The following PBRM1 variants were observed in gnomAD, a reference collection of about 807,000 sequenced individuals.
The protein encoded by PBRM1 is protein polybromo-1.
In PBRM1, 27 loss-of-function variants were observed where a neutral mutation model predicts 194.5. The observed-to-expected ratio is 0.14, with a 90% CI of 0.10 to 0.19. The LOEUF (loss-of-function observed/expected upper bound fraction) is 0.19, where lower values mean the gene tolerates loss of function less well. PBRM1 is among the 10% of genes least tolerant of loss of function. The pLI is 1.00. For missense variants in PBRM1, 1,466 were observed against 2,077.2 expected (o/e 0.71, Z 5.72); for synonymous variants, 655 against 693.2 (o/e 0.94, Z 0.87).
chr3:52,660,207 T>C (rs2096691072), intron 4 of PBRM1, among the ~76,000 whole-genome samples: 1 of 152,190 alleles, frequency 6.6e-6, no homozygotes, highest in Non-Finnish European at 1.5e-5. Flanking sequence ...TACAGGCATT[T>C]TAATCTTTTG....
intron 10 of PBRM1, among the ~76,000 whole-genome samples, chr3:52,636,756 CCAAAAAAAAAAAAA>C: frequency 3.9e-5 from 1 of 25,626 alleles, no homozygotes; most frequent in South Asian, 9.2e-4. Flanking sequence ...AACTCTGTCT[CCAAAAAAAAAAAAA>C]AAAAAAAAAA....
chr3:52,562,084 G>A (rs1178230557), intron 24 of PBRM1, 116 bp from the exon 27 acceptor site: 5 of 730,042 alleles, frequency 6.8e-6, no homozygotes, highest in Admixed American at 6.0e-5. Flanking sequence ...CACTTTGGGG[G>A]GCCGAGACAG....
chr3:52,604,799 G>A (rs2094233890), intron 16 of PBRM1, among the ~76,000 whole-genome samples: 1 of 151,958 alleles, frequency 6.6e-6, no homozygotes, highest in Non-Finnish European at 1.5e-5. Context: ...CCCAGTCTCT[G>A]CTGAAAATAC....
downstream of PBRM1, chr3:52,546,157 A>G (rs78691006): frequency 0.032 from 7,358 of 232,372 alleles, 170 homozygotes; most frequent in South Asian, 0.077. Context: ...TCCCCAAAGA[A>G]GTCTCATCCA....
exon 12 of PBRM1, chr3:52,628,898 A>G (rs1348721028): frequency 1.2e-6 from 2 of 1,613,782 alleles, no homozygotes; most frequent in East Asian, 4.5e-5. Flanking sequence ...TCACACCTGC[A>G]TAACTTGCTG....
At chr3:52,564,684 T>G in intron 22 of PBRM1, among the ~76,000 whole-genome samples, 1 of 151,994 alleles carries the variant, frequency 6.6e-6, no homozygotes, top group East Asian at 1.9e-4. Context: ...ACAATATGTA[T>G]TGGCATAAGG....
intron 27 of PBRM1, among the ~76,000 whole-genome samples, chr3:52,553,963 A>G (rs2081647842): frequency 6.6e-6 from 1 of 151,614 alleles, no homozygotes; most frequent in East Asian, 1.9e-4. Flanking sequence ...TGCCCGGCCT[A>G]ACACCTGGCT....
intron 6 of PBRM1, among the ~76,000 whole-genome samples, chr3:52,650,335 G>A (rs2096453875): frequency 7.5e-6 from 1 of 133,922 alleles, no homozygotes; most frequent in Non-Finnish European, 1.5e-5. Flanking sequence ...CTGCACTCCA[G>A]CCTGGGTGAC....
Position 52,599,537 on chromosome 3 carries a change from C to A in PBRM1, c.2779+3984G>T, listed in dbSNP as rs147759059. Among the ~76,000 whole-genome samples the A allele has an allele frequency of 2.2e-3, 335 of 151,348 alleles. 4 individuals carry two copies. Among genetic ancestry groups the A allele is most frequent in the Middle Eastern group, 0.017 (5 of 294 alleles). Reference sequence around the variant, plus strand: ...AAAAAAATTTTTACTGTTGGCCAGGCGTGGTGGCTCATGCCTGTAATCCCA... The same window carrying A: ...AAAAAAATTTTTACTGTTGGCCAGGAGTGGTGGCTCATGCCTGTAATCCCA... On this transcript the variant is annotated intron_variant, in intron 17 of 29. Coordinates refer to ENST00000296302, the Ensembl canonical transcript of PBRM1.
At chr3:52,584,653 A>G (rs760291258) in intron 20 of PBRM1, among the ~76,000 whole-genome samples, 1 of 151,752 alleles carries the variant, frequency 6.6e-6, no homozygotes, top group Admixed American at 6.6e-5. Flanking sequence ...ATGGGGTTTC[A>G]CCATGATTCC....
At chr3:52,591,817 CTTT>C (rs34822595) in intron 17 of PBRM1, among the ~76,000 whole-genome samples, 1 of 94,940 alleles carries the variant, frequency 1.1e-5, no homozygotes, top group Admixed American at 1.2e-4. Context: ...TGCGCCCGGC[CTTT>C]TTTTTTTTTT....
intron 22 of PBRM1, among the ~76,000 whole-genome samples, chr3:52,570,730 G>A (rs1175692297): frequency 6.6e-6 from 1 of 152,138 alleles, no homozygotes; most frequent in East Asian, 1.9e-4. Flanking sequence ...TCAATTTGGG[G>A]GGAACTGGCA....
intron 5 of PBRM1, 111 bp downstream of exon 6, chr3:52,658,088 C>A (rs1436569539): frequency 1.4e-5 from 9 of 633,166 alleles, no homozygotes; most frequent in South Asian, 1.4e-4. Flanking sequence ...CCACCACACC[C>A]GGCCCAACAT....
intron 4 of PBRM1, among the ~76,000 whole-genome samples, chr3:52,661,537 G>A (rs781262887): frequency 8.5e-5 from 13 of 152,196 alleles, no homozygotes; most frequent in Middle Eastern, 3.4e-3. Context: ...GGTGGGGTAG[G>A]GGCTGAAAAG....
chr3:52,630,068 T>C (rs1363250026), intron 11 of PBRM1, among the ~76,000 whole-genome samples: 2 of 152,176 alleles, frequency 1.3e-5, no homozygotes, highest in African/African-American at 2.4e-5. Context: ...AGCCTCAGAC[T>C]TGTTCCCGTC....
intron 21 of PBRM1, 101 bp downstream of exon 23, chr3:52,578,953 C>A: frequency 3.7e-6 from 4 of 1,085,772 alleles, no homozygotes; most frequent in Non-Finnish European, 2.9e-6. Flanking sequence ...GGAGAAACTG[C>A]CAGGGGAAGG....
At chr3:52,607,453 A>G (rs900235428) in intron 16 of PBRM1, among the ~76,000 whole-genome samples, 1 of 152,208 alleles carries the variant, frequency 6.6e-6, no homozygotes, top group Non-Finnish European at 1.5e-5. Flanking sequence ...GAATGAAAAG[A>G]GCTAATTTCC....
chr3:52,583,433 A>G (rs1456745989), intron 20 of PBRM1, among the ~76,000 whole-genome samples: 3 of 152,002 alleles, frequency 2.0e-5, no homozygotes, highest in Non-Finnish European at 4.4e-5. Context: ...AAAAAACACC[A>G]ATAGGAGAAA....
chr3:52,561,972 T>C lies in PBRM1; in HGVS notation c.4087-4A>G. On this transcript the variant is annotated splice_region_variant and splice_polypyrimidine_tract_variant and intron_variant, in intron 24 of 29. Coordinates refer to ENST00000296302, the Ensembl canonical transcript of PBRM1. The stretch of plus-strand genomic sequence containing the variant: ...CTTTGGCAGACTTTGGGGTAGACTG[T>C]AAGACAGAAAGGTCTTATGGTGCAT... 1.2e-6 allele frequency: 2 copies of C among 1,611,532 alleles called. No homozygotes were observed. Among genetic ancestry groups the C allele is most frequent in the Non-Finnish European group, 1.7e-6 (2 of 1,177,680 alleles).
Sources: allele counts gnomAD v4.1 joint callset (sites outside exome capture counted in the v4.1 genomes callset), GRCh38; gene constraint gnomAD v4.1.1; transcripts MANE v1.5; gene names NCBI Gene and HGNC (gene_info 2026-07-23, HGNC 2026-07-21).